Variants in PAN3 observed in about 807,000 individuals in gnomAD.
PAN3 encodes the protein poly(A) specific ribonuclease subunit PAN3.
In PAN3, 19 loss-of-function variants were observed where a neutral mutation model predicts 96.2. That is an observed-to-expected ratio of 0.20 (90% CI 0.14 to 0.29). The LOEUF is 0.29. PAN3 is among the 10% of genes least tolerant of loss of function. PAN3 has a pLI of 1.00. For synonymous variants in PAN3, 433 were observed against 406.6 expected (o/e 1.06, Z -0.78); for missense variants, 882 against 1,108.1 (o/e 0.80, Z 2.90).
chr13:28,177,916 A>G lies in PAN3; in HGVS notation c.671A>G (p.Asn224Ser). The part of the protein sequence containing the change: ...SSLFNDFGAL[N>S]ISQRRKPRKY... ...TTGTTTAATGACTTTGGTGCCCTCAACATCTCTCAGAGACGAAAGGTAGGT... is the reference window on the plus strand; with the variant it reads ...TTGTTTAATGACTTTGGTGCCCTCAGCATCTCTCAGAGACGAAAGGTAGGT... The change falls in exon 4 of 19, where the codon AAC (asparagine) becomes AGC (serine). Residue 224 changes from asparagine to serine, a missense_variant. By Grantham distance (46) the Asn-to-Ser change is conservative. Around this residue, in one of 3 missense-constraint regions of PAN3, gnomAD observed 442 missense variants for 422.8 expected, o/e 1.05. Coordinates refer to ENST00000380958, the MANE Select transcript of PAN3 (RefSeq NM_175854.8). The G allele has an allele frequency of 6.8e-6, 11 of 1,611,424 alleles. No homozygotes were observed. Among genetic ancestry groups the G allele is most frequent in the Non-Finnish European group, 8.5e-6 (10 of 1,177,774 alleles).
At chr13:28,169,087 A>C (rs982360767) in intron 1 of PAN3, among the ~76,000 whole-genome samples, 7 of 152,174 alleles carry the variant, frequency 4.6e-5, no homozygotes, top group African/African-American at 1.4e-4. Flanking sequence ...AGTAGCTTGC[A>C]AAAATAAAGG....
intron 14 of PAN3, among the ~76,000 whole-genome samples, chr13:28,276,769 A>G (rs936015022): frequency 2.6e-5 from 4 of 152,236 alleles, no homozygotes; most frequent in Admixed American, 2.6e-4. Flanking sequence ...CATTCCCACT[A>G]TATTCTGGGA....
chr13:28,257,699 TTA>T lies in PAN3; in HGVS notation c.1248+1168_1248+1169del, dbSNP rs552039281. ...AGTTATTAAATTATATAAATATATA[TTA>T]TATATATTATATATAATTAATATAT... On this transcript the variant is annotated intron_variant, in intron 7 of 18. Transcript: ENST00000380958. Among the ~76,000 whole-genome samples the T allele has an allele frequency of 1.0e-3, 142 of 137,746 alleles. 1 individual carries two copies. The East Asian group carries it at 0.014, about 14-fold the overall frequency. 90.4% of individuals were successfully genotyped at this position (137,746 alleles called of 152,430 possible).
chr13:28,269,753 T>C (rs1429611944), intron 12 of PAN3, among the ~76,000 whole-genome samples: 1 of 152,216 alleles, frequency 6.6e-6, no homozygotes, highest in Non-Finnish European at 1.5e-5. Flanking sequence ...TTCCAGAGTA[T>C]ATTATCTTCT....
chr13:28,291,890 T>G (rs1345274867), intron 18 of PAN3, among the ~76,000 whole-genome samples: 2 of 152,178 alleles, frequency 1.3e-5, no homozygotes, highest in Non-Finnish European at 2.9e-5. Flanking sequence ...TGGAAAACAA[T>G]TTGGTTCTAT....
chr13:28,286,315 G>A (rs969453119), intron 17 of PAN3, among the ~76,000 whole-genome samples: 2 of 152,148 alleles, frequency 1.3e-5, no homozygotes, highest in African/African-American at 4.8e-5. Flanking sequence ...TCATCTTCTG[G>A]TTTGCTTGGC....
At chr13:28,266,240 G>A (rs569962831) in intron 9 of PAN3, among the ~76,000 whole-genome samples, 10 of 152,048 alleles carry the variant, frequency 6.6e-5, no homozygotes, top group South Asian at 2.1e-4. Context: ...GTTATCTTCC[G>A]TTCACTTAAA....
At chr13:28,250,346 CCAT>C (rs1464737910) in intron 6 of PAN3, among the ~76,000 whole-genome samples, 1 of 151,986 alleles carries the variant, frequency 6.6e-6, no homozygotes, top group Non-Finnish European at 1.5e-5. Flanking sequence ...CAGGTGCATA[CCAT>C]GTCTGGTTTA....
chr13:28,186,951 T>C (rs777028145), intron 4 of PAN3, among the ~76,000 whole-genome samples: 22 of 152,214 alleles, frequency 1.4e-4, no homozygotes, highest in Non-Finnish European at 2.6e-4. Context: ...TGGTGGCTCA[T>C]GCCTGTACTA....
At chr13:28,158,850 C>T (rs1872546495) in intron 1 of PAN3, among the ~76,000 whole-genome samples, 5 of 151,414 alleles carry the variant, frequency 3.3e-5, no homozygotes, top group Non-Finnish European at 1.5e-5. Flanking sequence ...TGCACTCCAG[C>T]CTGGGTGACA....
chr13:28,139,236 C>G, intron 1 of PAN3, 149 bp downstream of exon 1: 1 of 957,476 alleles, frequency 1.0e-6, no homozygotes, highest in Non-Finnish European at 1.4e-6. Context: ...CGGGCCTGAG[C>G]CCTCCTTCCT....
At chr13:28,193,286 G>C (rs948092560) in intron 4 of PAN3, among the ~76,000 whole-genome samples, 1 of 152,142 alleles carries the variant, frequency 6.6e-6, no homozygotes, top group African/African-American at 2.4e-5. Flanking sequence ...AATGGCACAT[G>C]TTTAGAGATC....
chr13:28,204,436 G>T (rs1879110570), intron 5 of PAN3, among the ~76,000 whole-genome samples: 1 of 152,140 alleles, frequency 6.6e-6, no homozygotes, highest in Admixed American at 6.5e-5. Flanking sequence ...GCACATAATA[G>T]ATATTAAATA....
At chr13:28,163,679 T>G (rs1873165356) in intron 1 of PAN3, among the ~76,000 whole-genome samples, 1 of 152,216 alleles carries the variant, frequency 6.6e-6, no homozygotes, top group Admixed American at 6.5e-5. Context: ...AGAAATTGAT[T>G]ATACTCCAGA....
At chr13:28,289,244 T>TA (rs1242833679) in intron 18 of PAN3, among the ~76,000 whole-genome samples, 1 of 152,126 alleles carries the variant, frequency 6.6e-6, no homozygotes. Context: ...ATTAAGTAGA[T>TA]AAAAAATAGA....
At chr13:28,186,670 C>G (rs1876510912) in intron 4 of PAN3, among the ~76,000 whole-genome samples, 1 of 151,944 alleles carries the variant, frequency 6.6e-6, no homozygotes, top group South Asian at 2.1e-4. Flanking sequence ...AAATGGAAAC[C>G]TTTTGCTAAG....
intron 1 of PAN3, among the ~76,000 whole-genome samples, chr13:28,173,877 A>G (rs1019341163): frequency 2.0e-5 from 3 of 152,144 alleles, no homozygotes; most frequent in Non-Finnish European, 2.9e-5. Flanking sequence ...GTTTCAAAAG[A>G]TGTGTTTTGA....
chr13:28,188,345 A>G (rs928109307), intron 4 of PAN3, among the ~76,000 whole-genome samples: 1 of 152,206 alleles, frequency 6.6e-6, no homozygotes, highest in Non-Finnish European at 1.5e-5. Flanking sequence ...AGAATTAAAT[A>G]TCAAATTATA....
chr13:28,206,067 T>C (rs897196891), intron 5 of PAN3, among the ~76,000 whole-genome samples: 5 of 152,114 alleles, frequency 3.3e-5, no homozygotes, highest in African/African-American at 1.2e-4. Flanking sequence ...TTACATCCTC[T>C]TAACTTATAA....
Sources: gnomAD v4.1 joint callset for allele counts (sites outside exome capture counted in the v4.1 genomes callset) on GRCh38, gnomAD v4.1.1 for gene constraint, gnomAD v4.1.1 regional missense constraint, MANE v1.5 for transcripts, NCBI Gene and HGNC (gene_info 2026-07-23, HGNC 2026-07-21) for gene names.